DMXL1: variants seen among roughly 807,000 people sequenced by gnomAD.
The protein encoded by DMXL1 is Dmx like 1, also known as dmX-like protein 1.
DMXL1 carries 99 observed loss-of-function variants against 319.2 expected under a neutral mutation model. That is an observed-to-expected ratio of 0.31 (90% CI 0.26 to 0.37). The LOEUF (loss-of-function observed/expected upper bound fraction) is 0.37. Among genes scored for constraint, DMXL1 ranks in the 10% least tolerant of loss-of-function variants. DMXL1 has a pLI of 1.00. For synonymous variants in DMXL1, 1,385 were observed against 1,235.2 expected (o/e 1.12, Z -2.54); for missense variants, 3,745 against 3,595.6 (o/e 1.04, Z -1.06).
intron 29 of DMXL1, among the ~76,000 whole-genome samples, chr5:119,191,511 C>T (rs1443703702): frequency 1.3e-5 from 2 of 152,086 alleles, no homozygotes; most frequent in Non-Finnish European, 2.9e-5. Context: ...CTAGGAATAT[C>T]TTTATTTCAC....
chr5:119,213,048 T>C (rs751593536), intron 34 of DMXL1, among the ~76,000 whole-genome samples: 8 of 152,200 alleles, frequency 5.3e-5, no homozygotes, highest in Non-Finnish European at 1.5e-5. Flanking sequence ...GCACAAACCC[T>C]GGAGCTTGCC....
chr5:119,191,576 C>G (rs954071542), intron 29 of DMXL1, among the ~76,000 whole-genome samples: 5 of 152,026 alleles, frequency 3.3e-5, no homozygotes, highest in African/African-American at 1.2e-4. Flanking sequence ...TTAGCAAGGC[C>G]TTCTTTAGCT....
rs1215707517 is a variant in DMXL1, at chr5:119,121,032, G to T, written c.995G>T (p.Gly332Val). The T allele has an allele frequency of 6.2e-7, 1 of 1,613,624 alleles. No homozygotes were observed. The highest frequency in any genetic ancestry group is 1.3e-5 in the African/African-American group (1 of 75,002). Residue 332 changes from glycine (G) to valine (V), a missense_variant, in exon 9 of 44, where the codon GGA becomes GTA. Transcript: ENST00000539542. ...TCACTTGCTCTTGTAGCACATACGG[G>T]ATATCTACCACATCAGCAGGATCCT... ...RRSLALVAHTGYLPHQQDPHH... is the reference protein window; with the variant it reads ...RRSLALVAHTVYLPHQQDPHH...
intron 28 of DMXL1, among the ~76,000 whole-genome samples, chr5:119,185,851 T>A (rs916694891): frequency 6.6e-6 from 1 of 152,130 alleles, no homozygotes; most frequent in Non-Finnish European, 1.5e-5. Context: ...GATTAAGAAG[T>A]ACCTTCAATT....
chr5:119,159,780 C>T (rs1452561193), intron 19 of DMXL1, among the ~76,000 whole-genome samples: 3 of 152,154 alleles, frequency 2.0e-5, no homozygotes, highest in Non-Finnish European at 4.4e-5. Context: ...TGCTCCACCA[C>T]ACCCAGCTAA....
intron 15 of DMXL1, among the ~76,000 whole-genome samples, chr5:119,146,030 T>A (rs1209602721): frequency 6.6e-6 from 1 of 151,950 alleles, no homozygotes. Context: ...CAAAGTTACC[T>A]TTTCATTTAG....
chr5:119,152,804 A>T (rs1283940602), intron 19 of DMXL1, among the ~76,000 whole-genome samples: 1 of 152,184 alleles, frequency 6.6e-6, no homozygotes, highest in African/African-American at 2.4e-5. Flanking sequence ...AGGTTTAAAA[A>T]GTGTTATTGG....
chr5:119,157,582 C>T (rs374122781), intron 19 of DMXL1, among the ~76,000 whole-genome samples: 1 of 152,148 alleles, frequency 6.6e-6, no homozygotes. Flanking sequence ...AGAAACTATC[C>T]TTTCCCATTG....
chr5:119,147,186 A>G (rs1264734996), intron 16 of DMXL1, 63 bp from the exon 17 acceptor site: 4 of 1,395,472 alleles, frequency 2.9e-6, no homozygotes, highest in African/African-American at 1.5e-5. Context: ...GTAAAATGTA[A>G]CAATCGTAAT....
chr5:119,104,145 G>C (rs1385321804), intron 3 of DMXL1: 1 of 152,096 alleles, frequency 6.6e-6, no homozygotes, highest in African/African-American at 2.4e-5. Flanking sequence ...GTGAGGTGGT[G>C]GTCTTCATGA....
intron 1 of DMXL1, among the ~76,000 whole-genome samples, chr5:119,094,465 T>C (rs1050137993): frequency 1.2e-4 from 18 of 152,256 alleles, no homozygotes; most frequent in African/African-American, 3.9e-4. Flanking sequence ...TTTCAAAATA[T>C]TGCTGTTCAT....
rs942075113 is a variant in DMXL1, at chr5:119,155,618, C to G, written c.4702+3582C>G. Among the ~76,000 whole-genome samples the G allele has an allele frequency of 4.6e-5, 7 of 152,076 alleles. No individual in the cohort carries two copies. The South Asian group carries it at 1.5e-3, about 32-fold the overall frequency. On this transcript the variant is annotated intron_variant, in intron 19 of 43. Coordinates refer to ENST00000539542, the MANE Select transcript of DMXL1 (RefSeq NM_001290321.3). ...CTTTGGGATATTGAGGTGGGAGGAT[C>G]GCTTAAGGCCAGGAGTTTAGGATCA... is the stretch of plus-strand genomic sequence containing the variant.
chr5:119,086,525 G>A (rs547679952), intron 1 of DMXL1, among the ~76,000 whole-genome samples: 1 of 152,112 alleles, frequency 6.6e-6, no homozygotes. Flanking sequence ...TTGTTGCTTT[G>A]TCTGGTTTTG....
At chr5:119,223,121 A>ATATTGGCTCAC (rs1784930481) in intron 37 of DMXL1, among the ~76,000 whole-genome samples, 1 of 149,742 alleles carries the variant, frequency 6.7e-6, no homozygotes, top group African/African-American at 2.5e-5. Flanking sequence ...CAGTGGTGCA[A>ATATTGGCTCAC]TATTGGCTCA....
intron 43 of DMXL1, 42 bp from the exon 44 acceptor site, chr5:119,246,953 A>G (rs762603688): frequency 1.4e-6 from 2 of 1,458,368 alleles, no homozygotes; most frequent in Admixed American, 1.9e-5. Flanking sequence ...TCTTAAGGTC[A>G]TCATCAACCC....
intron 1 of DMXL1, among the ~76,000 whole-genome samples, chr5:119,093,713 C>A (rs1337808471): frequency 6.6e-6 from 1 of 152,114 alleles, no homozygotes; most frequent in Non-Finnish European, 1.5e-5. Context: ...TGCTAGTTAG[C>A]TGTTGTAAAT....
chr5:119,235,982 A>G (rs1297798724), intron 39 of DMXL1, among the ~76,000 whole-genome samples: 1 of 152,164 alleles, frequency 6.6e-6, no homozygotes, highest in Non-Finnish European at 1.5e-5. Flanking sequence ...TAGAAAAAGG[A>G]ATAGACCTGG....
chr5:119,219,358 C>T (rs184553399), intron 35 of DMXL1, among the ~76,000 whole-genome samples: 1 of 152,284 alleles, frequency 6.6e-6, no homozygotes, highest in Non-Finnish European at 1.5e-5. Context: ...ACATGACTCA[C>T]TTATAAAACA....
rs576454294 is a variant in DMXL1 at position 119,248,614 on chromosome 5, G to A, written c.*1395G>A. ...ATAAAATATGGGCAACGATTATCTT[G>A]GAAATTAAAGAGTCAAAGCAAAGAA... On this transcript the variant is annotated 3_prime_UTR_variant, in exon 44 of 44. Transcript: ENST00000539542. 2.0e-5 allele frequency: 3 copies of A among 152,398 alleles called. No homozygotes were observed. In the South Asian group the frequency reaches 6.2e-4, roughly 32 times the overall value. The allele number at this position is 152,398 out of a possible 1,614,324, so 9.4% of individuals were successfully genotyped here.
Sources: gnomAD v4.1 joint callset for allele counts (sites outside exome capture counted in the v4.1 genomes callset) on GRCh38, gnomAD v4.1.1 for gene constraint, MANE v1.5 for transcripts, NCBI Gene and HGNC (gene_info 2026-07-23, HGNC 2026-07-21) for gene names.